IFT140: variants seen among roughly 807,000 people sequenced by gnomAD.
IFT140 encodes intraflagellar transport protein 140 homolog.
In IFT140, 133 loss-of-function variants were observed where a neutral mutation model predicts 164.6. The ratio of observed to expected loss-of-function variants is 0.81; its 90% CI spans 0.70 to 0.93. The LOEUF is 0.93. Among genes scored for constraint, IFT140 ranks in the 40% least tolerant of loss-of-function variants. The pLI is 0.00. For synonymous variants in IFT140, 860 were observed against 817.3 expected (o/e 1.05, Z -0.89); for missense variants, 2,045 against 1,972.3 (o/e 1.04, Z -0.70).
At chr16:1,520,485 C>T in intron 27 of IFT140, 117 bp downstream of exon 27, 2 of 1,360,794 alleles carry the variant, frequency 1.5e-6, no homozygotes, top group East Asian at 2.5e-5. Context: ...CTCTTCCTGG[C>T]CAGAAAGGCT....
chr16:1,519,383 G>A (rs940858740), intron 29 of IFT140, among the ~76,000 whole-genome samples: 6 of 152,192 alleles, frequency 3.9e-5, no homozygotes, highest in Non-Finnish European at 7.3e-5. Flanking sequence ...ATGGGGAGGT[G>A]TTCAAATAAA....
intron 19 of IFT140, 107 bp downstream of exon 19, chr16:1,557,828 T>C (rs972616169): frequency 1.6e-5 from 17 of 1,082,602 alleles, no homozygotes; most frequent in Non-Finnish European, 2.2e-5. Context: ...GACGCAGTCA[T>C]GAGGAGTCAA....
chr16:1,586,297 A>G, intron 9 of IFT140, 22 bp from the exon 10 acceptor site: 3 of 1,600,258 alleles, frequency 1.9e-6, no homozygotes, highest in Non-Finnish European at 2.6e-6. Flanking sequence ...AACAAACTGC[A>G]TGTGAACAGA....
intron 4 of IFT140, among the ~76,000 whole-genome samples, chr16:1,602,077 G>C (rs577929681): frequency 6.6e-6 from 1 of 152,386 alleles, no homozygotes; most frequent in South Asian, 2.1e-4. Context: ...CCCTGGTTAA[G>C]AAGCCCTGAG....
intron 9 of IFT140, among the ~76,000 whole-genome samples, chr16:1,586,813 C>T (rs892177594): frequency 2.0e-5 from 3 of 152,180 alleles, no homozygotes; most frequent in Non-Finnish European, 4.4e-5. Context: ...CTCAAGCAAT[C>T]CTCCCACCTC....
At chr16:1,567,978 GGACA>G (rs2033811066) in intron 15 of IFT140, among the ~76,000 whole-genome samples, 1 of 152,212 alleles carries the variant, frequency 6.6e-6, no homozygotes. Flanking sequence ...GAAAGGCAGG[GGACA>G]GAAGATGGCA....
chr16:1,538,231 G>A (rs905721325), intron 19 of IFT140, among the ~76,000 whole-genome samples: 9 of 152,226 alleles, frequency 5.9e-5, no homozygotes, highest in Non-Finnish European at 1.2e-4. Context: ...GGGACTTGGA[G>A]GCTGCAGAGT....
rs962231837 is a variant in IFT140 at position 1,553,077 on chromosome 16, T to C, written c.2399+4858A>G. The C allele has an allele frequency of 1.1e-5, 11 of 985,326 alleles. No homozygotes were observed. The highest frequency in any genetic ancestry group is 1.7e-5 in the African/African-American group (1 of 57,226). The allele number at this position is 985,326 out of a possible 1,614,324, so 61.0% of individuals were successfully genotyped here. On this transcript the variant is annotated intron_variant, in intron 19 of 30. Coordinates refer to ENST00000426508, the MANE Select transcript of IFT140 (RefSeq NM_014714.4). The surrounding 1 kb of genome is among the most constrained non-coding windows in gnomAD (Gnocchi z 4.4). The stretch of plus-strand genomic sequence containing the variant: ...GTCATTGTTCAGGACAAAATGGAGA[T>C]AGATAAATGCTTAATTCATACTTTC...
At chr16:1,601,837 G>C (rs756613369) in intron 4 of IFT140, among the ~76,000 whole-genome samples, 14 of 152,216 alleles carry the variant, frequency 9.2e-5, no homozygotes, top group Non-Finnish European at 1.8e-4. Context: ...ACATGTGAAT[G>C]TGTTACCTGT....
intron 6 of IFT140, among the ~76,000 whole-genome samples, chr16:1,591,960 T>G (rs1025186379): frequency 1.3e-5 from 2 of 152,192 alleles, no homozygotes; most frequent in Admixed American, 6.5e-5. Flanking sequence ...AAACTCAACT[T>G]GTCTATCAGA....
intron 19 of IFT140, chr16:1,554,827 C>T (rs2032957393): frequency 6.2e-7 from 1 of 1,614,212 alleles, no homozygotes; most frequent in South Asian, 1.1e-5. Context: ...AGAATTGGCC[C>T]ATACACCAAC....
intron 17 of IFT140, among the ~76,000 whole-genome samples, chr16:1,562,988 C>T (rs894868638): frequency 2.0e-5 from 3 of 152,090 alleles, no homozygotes; most frequent in African/African-American, 7.2e-5. Context: ...CCTTTCCTTG[C>T]TACCTGGTGT....
Position 1,524,586 on chromosome 16 carries a change from G to T in IFT140, c.3107C>A (p.Ala1036Glu). ...VGQAVHFYTR[A>E]QAFKNAIRLC... Reference sequence around the variant, plus strand: ...GCGGATGGCATTCTTGAAGGCCTGTGCCCGGGTGTAGAAGTGCACCGCCTG... The same window carrying T: ...GCGGATGGCATTCTTGAAGGCCTGTTCCCGGGTGTAGAAGTGCACCGCCTG... Residue 1036 changes from alanine to glutamate, a missense_variant, in exon 24 of 31, where the codon GCA (alanine) becomes GAA (glutamate). Physicochemically the swap from Ala to Glu is moderately radical, Grantham distance 107. Transcript: ENST00000426508. The T allele has an allele frequency of 1.2e-6, 2 of 1,611,274 alleles. No homozygotes were observed. The highest frequency in any genetic ancestry group is 1.7e-6 in the Non-Finnish European group (2 of 1,178,650).
At chr16:1,537,499 G>A (rs978609092) in intron 19 of IFT140, among the ~76,000 whole-genome samples, 11 of 152,246 alleles carry the variant, frequency 7.2e-5, no homozygotes, top group African/African-American at 2.7e-4. Flanking sequence ...GCCCGGTCTC[G>A]ACTTCATCCA....
intron 30 of IFT140, 87 bp downstream of exon 30, chr16:1,518,129 C>T: frequency 1.4e-6 from 2 of 1,385,036 alleles, no homozygotes; most frequent in South Asian, 1.3e-5. Context: ...TGAGCCGCCA[C>T]ACACAGCCTC....
chr16:1,566,692 T>C (rs1471605305), intron 15 of IFT140, among the ~76,000 whole-genome samples: 1 of 152,134 alleles, frequency 6.6e-6, no homozygotes, highest in Non-Finnish European at 1.5e-5. Context: ...GTAGGCCCCT[T>C]CTGCCAGCCC....
At chr16:1,555,166 C>T (rs949435736) in intron 19 of IFT140, 38 of 1,039,028 alleles carry the variant, frequency 3.7e-5, no homozygotes, top group Middle Eastern at 6.4e-4. Context: ...GCCATGCGTG[C>T]GAGACACGTG....
At chr16:1,555,158 C>T (rs1343140259) in intron 19 of IFT140, 1 of 1,173,072 alleles carries the variant, frequency 8.5e-7, no homozygotes, top group Admixed American at 2.6e-5. Flanking sequence ...ACCTCTGCGC[C>T]ATGCGTGCGA....
chr16:1,596,663 G>T (rs534000988), intron 4 of IFT140, among the ~76,000 whole-genome samples: 1 of 152,168 alleles, frequency 6.6e-6, no homozygotes, highest in Non-Finnish European at 1.5e-5. Context: ...ATCACAGGAC[G>T]CAATGAGTCA....
Sources: gnomAD v4.1 joint callset for allele counts (sites outside exome capture counted in the v4.1 genomes callset) on GRCh38, gnomAD v4.1.1 for gene constraint, Gnocchi (gnomAD v3.1) non-coding constraint, MANE v1.5 for transcripts, NCBI Gene and HGNC (gene_info 2026-07-23, HGNC 2026-07-21) for gene names.